MTFR1: variants seen among roughly 807,000 people sequenced by gnomAD.
MTFR1 encodes the protein mitochondrial fission regulator 1.
MTFR1 carries 28 observed loss-of-function variants against 38.8 expected under a neutral mutation model. That is an observed-to-expected ratio of 0.72 (90% CI 0.53 to 0.99). MTFR1 has a LOEUF of 0.99. Among genes scored for constraint, MTFR1 ranks in the 50% least tolerant of loss-of-function variants. The pLI is 0.00. For synonymous variants in MTFR1, 145 were observed against 137.0 expected, an observed-to-expected ratio of 1.06 and a Z score of -0.41; for missense variants, 358 against 395.5, an observed-to-expected ratio of 0.91 and a Z score of 0.81.
At chr8:65,745,998 A>G (rs1807657154) in intron 3 of MTFR1, among the ~76,000 whole-genome samples, 1 of 151,722 alleles carries the variant, frequency 6.6e-6, no homozygotes, top group South Asian at 2.1e-4. Context: ...CACAAACAAG[A>G]CGGCTCACTG....
At position 65,708,894 on chromosome 8, in the gene MTFR1, T is replaced by C. The variant is rs1166760287; in HGVS notation, c.934-82T>C. On this transcript the variant is annotated intron_variant, in intron 7 of 7. Coordinates refer to ENST00000262146, the MANE Select transcript of MTFR1 (RefSeq NM_014637.4). ...TTCATGCAGAACATACCCAGCCCTC[T>C]AATCCATGATTGGGAGGTGGGGGCG... The C allele has an allele frequency of 6.6e-6, 9 of 1,362,484 alleles. No individual in the cohort carries two copies. The East Asian group carries it at 1.1e-4, about 17-fold the overall frequency. 84.4% of individuals were successfully genotyped at this position (1,362,484 alleles called of 1,614,324 possible).
intron 3 of MTFR1, among the ~76,000 whole-genome samples, chr8:65,740,140 A>G (rs1807343626): frequency 7.8e-6 from 1 of 128,698 alleles, no homozygotes; most frequent in Non-Finnish European, 1.6e-5. Flanking sequence ...GCTTTTCCAG[A>G]GTAGCTGCAG....
chr8:65,768,505 C>T (rs116173713), intron 3 of MTFR1, among the ~76,000 whole-genome samples: 2,561 of 152,254 alleles, frequency 0.017, 75 homozygotes, highest in African/African-American at 0.058. Context: ...CTTTCACCTT[C>T]GGCCGTAATT....
At chr8:65,671,867 A>G (rs1197641831) in intron 2 of MTFR1, among the ~76,000 whole-genome samples, 1 of 152,206 alleles carries the variant, frequency 6.6e-6, no homozygotes, top group Non-Finnish European at 1.5e-5. Flanking sequence ...GGATTAAATG[A>G]CAGAGTATGT....
downstream of MTFR1, among the ~76,000 whole-genome samples, chr8:65,712,130 A>G (rs534544752): frequency 1.3e-5 from 2 of 152,202 alleles, no homozygotes; most frequent in Non-Finnish European, 2.9e-5. Context: ...TACACTTTTT[A>G]TCGAAAGGTG....
chr8:65,739,843 T>C (rs1807328879), intron 3 of MTFR1, among the ~76,000 whole-genome samples: 1 of 152,166 alleles, frequency 6.6e-6, no homozygotes, highest in Admixed American at 6.5e-5. Flanking sequence ...ACTAGACATT[T>C]TCAAATAGAT....
At chr8:65,708,853 AG>A (rs776835899) in intron 7 of MTFR1, 122 bp from the exon 8 acceptor site, 9 of 822,978 alleles carry the variant, frequency 1.1e-5, no homozygotes, top group Non-Finnish European at 1.8e-5. Context: ...TAATATTCCC[AG>A]TAGTTGCTTG....
intron 3 of MTFR1, chr8:65,723,503 A>G: frequency 7.1e-7 from 1 of 1,412,136 alleles, no homozygotes; most frequent in Non-Finnish European, 9.3e-7. Context: ...AAACAGTGGC[A>G]TTTTTCTAAC....
chr8:65,754,695 A>G (rs1447583980), intron 3 of MTFR1, among the ~76,000 whole-genome samples: 3 of 148,448 alleles, frequency 2.0e-5, no homozygotes, highest in East Asian at 2.2e-4. Flanking sequence ...GGCTGGGCAC[A>G]GTGGCTCACG....
chr8:65,739,508 A>G (rs1290235585), intron 3 of MTFR1: 1 of 1,558,096 alleles, frequency 6.4e-7, no homozygotes, highest in Middle Eastern at 1.7e-4. Flanking sequence ...TTACCTAAAA[A>G]TCTACGAAGT....
At chr8:65,682,523 T>G in intron 3 of MTFR1, 72 bp downstream of exon 3, 1 of 871,686 alleles carries the variant, frequency 1.1e-6, no homozygotes, top group Non-Finnish European at 1.5e-6. Flanking sequence ...AAGATGGTTT[T>G]AAAAGCATTT....
At chr8:65,670,127 G>C in intron 2 of MTFR1, 109 bp downstream of exon 2, 1 of 854,950 alleles carries the variant, frequency 1.2e-6, no homozygotes, top group Non-Finnish European at 1.8e-6. Context: ...AATTCAATAT[G>C]TTTATGTACT....
intron 3 of MTFR1, among the ~76,000 whole-genome samples, chr8:65,763,464 C>T (rs982287641): frequency 1.3e-5 from 2 of 151,994 alleles, no homozygotes; most frequent in Non-Finnish European, 2.9e-5. Flanking sequence ...ACTTAGGAGG[C>T]TGAGGCAGGA....
intron 5 of MTFR1, among the ~76,000 whole-genome samples, chr8:65,706,085 A>G (rs1034228233): frequency 1.3e-5 from 2 of 152,104 alleles, no homozygotes; most frequent in African/African-American, 4.8e-5. Flanking sequence ...TGGAAACCTC[A>G]TTTGACCTGG....
chr8:65,752,867 C>T (rs1438012998), intron 3 of MTFR1, among the ~76,000 whole-genome samples: 2 of 152,102 alleles, frequency 1.3e-5, no homozygotes, highest in Non-Finnish European at 2.9e-5. Context: ...CATTTCTATC[C>T]ACTATAACCA....
At chr8:65,724,788 A>G in intron 3 of MTFR1, 1 of 1,604,072 alleles carries the variant, frequency 6.2e-7, no homozygotes, top group Non-Finnish European at 8.5e-7. Context: ...TGTAAAACCA[A>G]ATGTCTGTGT....
chr8:65,665,635 T>C (rs1251332353), intron 1 of MTFR1, among the ~76,000 whole-genome samples: 1 of 152,184 alleles, frequency 6.6e-6, no homozygotes, highest in Non-Finnish European at 1.5e-5. Flanking sequence ...TCTTCTTCCT[T>C]ATCGCGCTAG....
At chr8:65,659,122 A>G (rs1431052509) in intron 1 of MTFR1, among the ~76,000 whole-genome samples, 1 of 152,176 alleles carries the variant, frequency 6.6e-6, no homozygotes, top group Non-Finnish European at 1.5e-5. Flanking sequence ...AGGAAGGGGT[A>G]GCAGCAGGAG....
Position 65,770,121 on chromosome 8 carries a change from CTGTGTGTGTGTGTGTGTGTGTGTG to C in MTFR1, c.*49-807_*49-784del, listed in dbSNP as rs10608556. ...TTGTCTTATTACTTGCAGTATACTT[CTGTGTGTGTGTGTGTGTGTGTGTG>C]TGTGTGTGTGTGTGTGTGCCACACC... is the stretch of plus-strand genomic sequence containing the variant. On this transcript the variant is annotated intron_variant, in intron 3 of 3. Transcript: ENST00000521247. Among the ~76,000 whole-genome samples the C allele has an allele frequency of 8.9e-5, 13 of 146,556 alleles. No homozygotes were observed. The East Asian group carries it at 9.9e-4, about 11-fold the overall frequency.
Sources: gnomAD v4.1 joint callset for allele counts (sites outside exome capture counted in the v4.1 genomes callset) on GRCh38, gnomAD v4.1.1 for gene constraint, MANE v1.5 for transcripts, NCBI Gene and HGNC (gene_info 2026-07-23, HGNC 2026-07-21) for gene names.